BRINP3: variants seen among roughly 807,000 people sequenced by gnomAD.
The protein encoded by BRINP3 is BMP/retinoic acid-inducible neural-specific protein 3.
A neutral mutation model predicts 71.0 loss-of-function variants in BRINP3; 19 were observed. That is an observed-to-expected ratio of 0.27 (90% confidence interval 0.19 to 0.39). The LOEUF is 0.39. Ranked by LOEUF, BRINP3 falls within the 10% of genes least tolerant of loss-of-function variation. The pLI is 1.00. For missense variants in BRINP3, 959 were observed against 940.8 expected, an observed-to-expected ratio of 1.02 and a Z score of -0.25; for synonymous variants, 380 against 337.7, an observed-to-expected ratio of 1.13 and a Z score of -1.37.
intron 4 of BRINP3, among the ~76,000 whole-genome samples, chr1:190,256,950 T>A (rs1660718249): frequency 6.6e-6 from 1 of 152,302 alleles, no homozygotes. Context: ...TTGGTGAATC[T>A]GACAATTATG....
chr1:190,170,361 G>T (rs1207447989), intron 6 of BRINP3, among the ~76,000 whole-genome samples: 4 of 151,986 alleles, frequency 2.6e-5, no homozygotes, highest in Non-Finnish European at 1.5e-5. Context: ...CCTTTCCAAA[G>T]CCCTAAGACA....
intron 1 of BRINP3, among the ~76,000 whole-genome samples, chr1:190,473,483 G>T (rs1169452639): frequency 6.7e-6 from 1 of 149,732 alleles, no homozygotes; most frequent in Non-Finnish European, 1.5e-5. Context: ...TCTTAGAGAA[G>T]AGAAAGTGTT....
intron 2 of BRINP3, among the ~76,000 whole-genome samples, chr1:190,411,151 C>G (rs934092342): frequency 6.6e-6 from 1 of 152,012 alleles, no homozygotes; most frequent in Non-Finnish European, 1.5e-5. Flanking sequence ...ACATACCATA[C>G]ATTAATGAAC....
chr1:190,263,621 G>A (rs1002080240), intron 4 of BRINP3, among the ~76,000 whole-genome samples: 4 of 134,224 alleles, frequency 3.0e-5, no homozygotes, highest in African/African-American at 1.1e-4. Context: ...ACAGAGTCTC[G>A]CTCTGTCGCC....
intron 7 of BRINP3, among the ~76,000 whole-genome samples, chr1:190,143,429 T>C (rs768120041): frequency 9.2e-5 from 14 of 152,162 alleles, no homozygotes; most frequent in Non-Finnish European, 1.6e-4. Flanking sequence ...AGCCTTTCAG[T>C]TAAAAATAGA....
chr1:190,472,002 C>T (rs931878263), intron 1 of BRINP3, among the ~76,000 whole-genome samples: 7 of 151,268 alleles, frequency 4.6e-5, no homozygotes, highest in Admixed American at 2.0e-4. Flanking sequence ...AGATTTGATA[C>T]TAGCATTAAA....
At chr1:190,410,785 A>G (rs1672614497) in intron 2 of BRINP3, among the ~76,000 whole-genome samples, 1 of 152,162 alleles carries the variant, frequency 6.6e-6, no homozygotes, top group South Asian at 2.1e-4. Context: ...CATTGAATAC[A>G]GTAAGAGAAA....
chr1:190,160,303 G>A, intron 7 of BRINP3, among the ~76,000 whole-genome samples: 1 of 152,076 alleles, frequency 6.6e-6, no homozygotes, highest in East Asian at 1.9e-4. Flanking sequence ...ATGTATTGAG[G>A]AATTTTAATT....
intron 2 of BRINP3, among the ~76,000 whole-genome samples, chr1:190,366,258 A>C (rs1368293817): frequency 6.6e-6 from 1 of 152,144 alleles, no homozygotes; most frequent in Non-Finnish European, 1.5e-5. Context: ...TCATGGCAGA[A>C]GATGAAGCAA....
intron 2 of BRINP3, among the ~76,000 whole-genome samples, chr1:190,347,829 T>A (rs1668123889): frequency 6.6e-6 from 1 of 152,166 alleles, no homozygotes; most frequent in South Asian, 2.1e-4. Context: ...AACTTTTCAA[T>A]TATCAATGAA....
At chr1:190,194,114 T>G (rs1654277083) in intron 6 of BRINP3, among the ~76,000 whole-genome samples, 1 of 152,090 alleles carries the variant, frequency 6.6e-6, no homozygotes, top group Non-Finnish European at 1.5e-5. Flanking sequence ...TATCCAGATG[T>G]TCCCTGAAGG....
intron 6 of BRINP3, among the ~76,000 whole-genome samples, chr1:190,218,883 G>A (rs895388122): frequency 3.3e-5 from 5 of 152,006 alleles, no homozygotes; most frequent in Non-Finnish European, 7.4e-5. Context: ...TGTAATTTGT[G>A]TTATTTCCAA....
Position 190,341,276 on chromosome 1 carries a change from T to C in BRINP3, c.237-59526A>G, listed in dbSNP as rs151004362. On this transcript the variant is annotated intron_variant, in intron 2 of 7. Transcript: ENST00000367462. Reference sequence around the variant, plus strand: ...ACCTACAGTAATGTCAGCAAACAAATTAAAATGTAGTAGGACAAATAATCA... The same window carrying C: ...ACCTACAGTAATGTCAGCAAACAAACTAAAATGTAGTAGGACAAATAATCA... Among the ~76,000 whole-genome samples, 15 of 152,018 alleles carry C rather than the reference T, an allele frequency of 9.9e-5. No homozygotes were observed. In the East Asian group the frequency reaches 2.9e-3, roughly 30 times the overall value.
Position 190,098,993 on chromosome 1 carries a change from T to C in BRINP3, c.1326A>G (p.Thr442=), listed in dbSNP as rs893456771. Residue 442 remains threonine, a synonymous_variant, in exon 8 of 8, where the codon ACA becomes ACG. Coordinates refer to ENST00000367462, the MANE Select transcript of BRINP3 (RefSeq NM_199051.3). The stretch of plus-strand genomic sequence containing the variant: ...TCAGGCAGGCAGAGGCGTCTCCCAC[T>C]GTGCAGGGCAGGAACGCGGTGCAGA... ...QVVCTAFLPC[T]VGDASACLTC... The C allele has an allele frequency of 3.7e-6, 6 of 1,614,166 alleles. No homozygotes were observed. The highest frequency in any genetic ancestry group is 5.1e-6 in the Non-Finnish European group (6 of 1,180,020).
chr1:190,249,813 G>T (rs1012528009), intron 4 of BRINP3, among the ~76,000 whole-genome samples: 9 of 151,624 alleles, frequency 5.9e-5, no homozygotes, highest in Non-Finnish European at 1.2e-4. Context: ...AAAGACTAAT[G>T]ATATATATTA....
intron 2 of BRINP3, among the ~76,000 whole-genome samples, chr1:190,398,288 C>CT (rs1338245811): frequency 2.0e-5 from 3 of 151,958 alleles, no homozygotes; most frequent in Non-Finnish European, 4.4e-5. Flanking sequence ...GGGATAAACT[C>CT]TAAGTTTTAA....
intron 2 of BRINP3, among the ~76,000 whole-genome samples, chr1:190,329,456 T>A (rs553731513): frequency 7.4e-4 from 112 of 151,414 alleles, no homozygotes; most frequent in African/African-American, 2.6e-3. Context: ...AAAAAAAAAA[T>A]ACCTAGAAAT....
intron 4 of BRINP3, among the ~76,000 whole-genome samples, chr1:190,258,179 A>G (rs1660843572): frequency 2.0e-5 from 3 of 152,174 alleles, no homozygotes. Context: ...CAACTACTCA[A>G]GCCTCAGCAA....
At chr1:190,314,793 C>G (rs1172498736) in intron 2 of BRINP3, among the ~76,000 whole-genome samples, 1 of 152,096 alleles carries the variant, frequency 6.6e-6, no homozygotes, top group Non-Finnish European at 1.5e-5. Context: ...AATCCCTAAA[C>G]GGAGACCTTG....
Sources: allele counts gnomAD v4.1 joint callset (sites outside exome capture counted in the v4.1 genomes callset), GRCh38; gene constraint gnomAD v4.1.1; transcripts MANE v1.5; gene names NCBI Gene and HGNC (gene_info 2026-07-23, HGNC 2026-07-21).